The following MYCBP2 variants were observed in gnomAD, a reference collection of about 807,000 sequenced individuals.
The protein encoded by MYCBP2 is E3 ubiquitin-protein ligase MYCBP2.
Under a neutral mutation model 525.3 loss-of-function variants are expected in MYCBP2, and 120 were observed. The observed-to-expected ratio is 0.23, with a 90% CI of 0.20 to 0.27. The LOEUF (loss-of-function observed/expected upper bound fraction) is 0.27. MYCBP2 is among the 10% of genes least tolerant of loss of function. The pLI is 1.00. For synonymous variants in MYCBP2, 1,894 were observed against 1,955.8 expected, an observed-to-expected ratio of 0.97 and a Z score of 0.83; for missense variants, 4,149 against 5,657.1, an observed-to-expected ratio of 0.73 and a Z score of 8.55.
chr13:77,208,760 T>C (rs142862318), intron 23 of MYCBP2, among the ~76,000 whole-genome samples: 1 of 152,324 alleles, frequency 6.6e-6, no homozygotes, highest in East Asian at 1.9e-4. Context: ...AGTATGACCA[T>C]CCTTTTTCCT....
chr13:77,186,745 C>G (rs1267775250), intron 30 of MYCBP2, among the ~76,000 whole-genome samples: 1 of 151,348 alleles, frequency 6.6e-6, no homozygotes, highest in Admixed American at 6.6e-5. Flanking sequence ...AAGCAGAGCA[C>G]TTACTGCCCC....
intron 2 of MYCBP2, among the ~76,000 whole-genome samples, chr13:77,292,531 A>T (rs200149490): frequency 0.08 from 2,989 of 37,406 alleles, 57 homozygotes; most frequent in Middle Eastern, 0.31. Context: ...CACCAGATTT[A>T]AAAAAAAAAG....
chr13:77,058,429 T>C lies in MYCBP2; in HGVS notation c.13141-23A>G. On this transcript the variant is annotated intron_variant, in intron 77 of 82. Coordinates refer to ENST00000544440, the MANE Select transcript of MYCBP2 (RefSeq NM_015057.5). The surrounding 1 kb of genome is among the most constrained non-coding windows in gnomAD (Gnocchi z 4.1). ...TTCCTGTTAAAGATGAATTACAATG[T>C]TACACAAGTATGTAAAAAAGCACAC... is the stretch of plus-strand genomic sequence containing the variant. The C allele has an allele frequency of 6.5e-7, 1 of 1,541,806 alleles. No individual in the cohort carries two copies.
intron 55 of MYCBP2, among the ~76,000 whole-genome samples, chr13:77,116,592 G>A (rs2049821840): frequency 6.6e-6 from 1 of 151,924 alleles, no homozygotes; most frequent in Non-Finnish European, 1.5e-5. Flanking sequence ...TTTAAAACAA[G>A]ACCTAAGTAA....
At position 77,125,704 on chromosome 13, in the gene MYCBP2, G is replaced by A. The variant is rs994597032; in HGVS notation, c.7885-236C>T. ...AAAATAATAACTTTCAAAGCACAAA[G>A]ATAACACCTAAATAATTTTAAGAAT... On this transcript the variant is annotated intron_variant, in intron 53 of 82. Transcript: ENST00000544440. 4.6e-5 allele frequency among the ~76,000 whole-genome samples: 7 copies of A among 152,154 alleles called. 1 individual carries two copies. The highest frequency in any genetic ancestry group is 1.7e-4 in the African/African-American group (7 of 41,434).
In MYCBP2 at chr13:77,260,608, T is replaced by G; in HGVS notation, c.1853-16A>C. On this transcript the variant is annotated splice_polypyrimidine_tract_variant and intron_variant, in intron 12 of 82. Coordinates refer to ENST00000544440, the MANE Select transcript of MYCBP2 (RefSeq NM_015057.5). ...CTGCTCTTAGCTTTAAAAAAGAAATTAGATTAAATCAAGACCTCTATGTAC... is the reference window on the plus strand; with the variant it reads ...CTGCTCTTAGCTTTAAAAAAGAAATGAGATTAAATCAAGACCTCTATGTAC... The G allele has an allele frequency of 6.4e-7, 1 of 1,568,902 alleles. No homozygotes were observed. The highest frequency in any genetic ancestry group is 8.6e-7 in the Non-Finnish European group (1 of 1,158,596).
intron 21 of MYCBP2, among the ~76,000 whole-genome samples, chr13:77,213,649 C>T (rs1015942471): frequency 2.6e-5 from 4 of 152,100 alleles, no homozygotes; most frequent in African/African-American, 9.7e-5. Context: ...TGTTAGATAC[C>T]TGGACAACCC....
intron 1 of MYCBP2, among the ~76,000 whole-genome samples, chr13:77,323,268 T>C (rs1298954860): frequency 6.6e-6 from 1 of 152,246 alleles, no homozygotes; most frequent in Non-Finnish European, 1.5e-5. Context: ...ACCACTTTGT[T>C]AGACTGTCAT....
At chr13:77,306,765 G>A (rs1426272686) in intron 1 of MYCBP2, among the ~76,000 whole-genome samples, 4 of 152,072 alleles carry the variant, frequency 2.6e-5, no homozygotes, top group African/African-American at 9.7e-5. Flanking sequence ...AGAACAACAA[G>A]AGGAATGAGA....
At chr13:77,206,139 A>T (rs1265997343) in intron 24 of MYCBP2, among the ~76,000 whole-genome samples, 2 of 152,102 alleles carry the variant, frequency 1.3e-5, no homozygotes, top group African/African-American at 4.8e-5. Flanking sequence ...ATAGTTACAT[A>T]GAGTGATATA....
Position 77,206,818 on chromosome 13 carries a change from G to A in MYCBP2, c.3424C>T (p.Pro1142Ser), listed in dbSNP as rs373355617. 1.9e-6 allele frequency: 3 copies of A among 1,586,550 alleles called. No homozygotes were observed. Among genetic ancestry groups the A allele is most frequent in the African/African-American group, 2.7e-5 (2 of 73,818 alleles). The change falls in exon 24 of 83, where the codon CCA (proline) becomes TCA (serine). Residue 1142 changes from proline to serine, a missense_variant. Coordinates refer to ENST00000544440, the MANE Select transcript of MYCBP2 (RefSeq NM_015057.5). ...PVYDVIWRFR[P>S]NTRELWCYNA... ...TAACACCACAGCTCTCTAGTATTTG[G>A]TCGAAACCTTTAAAGAAAAAGAATA...
At chr13:77,100,635 C>T (rs2046928101) in intron 55 of MYCBP2, among the ~76,000 whole-genome samples, 1 of 151,972 alleles carries the variant, frequency 6.6e-6, no homozygotes, top group Admixed American at 6.6e-5. Flanking sequence ...ATACAGGGCA[C>T]ACTGATGAAC....
rs920642431 is a variant in MYCBP2 at position 77,262,064 on chromosome 13, C to T, written c.1636G>A (p.Ala546Thr). The part of the protein sequence containing the change: ...AGREFALMKT[A>T]NGKIYYTGKY... Reference sequence around the variant, plus strand: ...AGAGAATAATTTACCTTTCCATTTGCTGTTTTCATTAGCGCAAACTCTCGT... The same window carrying T: ...AGAGAATAATTTACCTTTCCATTTGTTGTTTTCATTAGCGCAAACTCTCGT... The change falls in exon 11 of 83, where the codon GCA becomes ACA. Residue 546 changes from alanine to threonine, a missense_variant. By Grantham distance (58) the Ala-to-Thr change is moderately conservative. Around this residue, in one of 21 missense-constraint regions of MYCBP2, gnomAD observed 262 missense variants for 419.3 expected, o/e 0.62. Coordinates refer to ENST00000544440, the MANE Select transcript of MYCBP2 (RefSeq NM_015057.5). 20 of 1,610,142 alleles carry T rather than the reference C, an allele frequency of 1.2e-5. No individual in the cohort carries two copies. Among genetic ancestry groups the T allele is most frequent in the Admixed American group, 1.7e-5 (1 of 59,816 alleles).
intron 44 of MYCBP2, among the ~76,000 whole-genome samples, chr13:77,161,588 A>T (rs1441342983): frequency 1.3e-5 from 2 of 152,176 alleles, no homozygotes; most frequent in African/African-American, 4.8e-5. Flanking sequence ...AAAAAAGAAA[A>T]ACAAATTCTT....
intron 3 of MYCBP2, among the ~76,000 whole-genome samples, chr13:77,280,069 T>C (rs1320835732): frequency 2.0e-5 from 3 of 152,236 alleles, no homozygotes; most frequent in Admixed American, 1.3e-4. Context: ...ATTTATTCAC[T>C]AAATTGTTTG....
At position 77,318,944 on chromosome 13, in the gene MYCBP2, A is replaced by C. The variant is rs138328025; in HGVS notation, c.302+7530T>G. 8.2e-3 allele frequency among the ~76,000 whole-genome samples: 1,253 copies of C among 152,324 alleles called. 21 individuals are homozygous for C. Among genetic ancestry groups the C allele is most frequent in the African/African-American group, 0.029 (1,198 of 41,580 alleles). ...AAATCCAACCCTGCAAAAATATGAC[A>C]TCATCAAAAGAAATGTGGCATGAGC... On this transcript the variant is annotated intron_variant, in intron 1 of 82. Transcript: ENST00000544440.
chr13:77,273,372 G>A, intron 5 of MYCBP2, 100 bp downstream of exon 5: 4 of 972,562 alleles, frequency 4.1e-6, no homozygotes, highest in Non-Finnish European at 6.0e-6. Context: ...TTAAGCTACT[G>A]TAATGAGTGA....
At chr13:77,300,621 T>C (rs2078684395) in intron 1 of MYCBP2, among the ~76,000 whole-genome samples, 3 of 152,224 alleles carry the variant, frequency 2.0e-5, no homozygotes, top group Non-Finnish European at 1.5e-5. Flanking sequence ...AAAAAAATGC[T>C]TTATAGCTAT....
intron 8 of MYCBP2, among the ~76,000 whole-genome samples, chr13:77,264,867 G>GCACACA (rs139975510): frequency 3.4e-5 from 5 of 148,794 alleles, no homozygotes; most frequent in East Asian, 3.9e-4. Context: ...CAAGTTAAAA[G>GCACACA]CACACACACA....
Sources: allele counts gnomAD v4.1 joint callset (sites outside exome capture counted in the v4.1 genomes callset), GRCh38; gene constraint gnomAD v4.1.1; regional missense constraint gnomAD v4.1.1; non-coding constraint Gnocchi (gnomAD v3.1); transcripts MANE v1.5; gene names NCBI Gene and HGNC (gene_info 2026-07-23, HGNC 2026-07-21).